PTK2: variants seen among roughly 807,000 people sequenced by gnomAD.
PTK2 encodes focal adhesion kinase 1.
A neutral mutation model predicts 150.1 loss-of-function variants in PTK2; 45 were observed. The observed-to-expected ratio is 0.30, with a 90% CI of 0.24 to 0.38. The LOEUF (loss-of-function observed/expected upper bound fraction) is 0.38, where lower values mean the gene tolerates loss of function less well. PTK2 is among the 10% of genes least tolerant of loss of function. The pLI is 1.00. For missense variants in PTK2, 919 were observed against 1,307.3 expected (o/e 0.70, Z 4.58); for synonymous variants, 432 against 449.2 (o/e 0.96, Z 0.48).
chr8:140,881,713 A>G (rs2100149192), intron 3 of PTK2, among the ~76,000 whole-genome samples: 1 of 152,226 alleles, frequency 6.6e-6, no homozygotes, highest in East Asian at 1.9e-4. Flanking sequence ...GAAAAAGCCC[A>G]GCTTCTCCAG....
At chr8:140,665,094 AG>A in intron 30 of PTK2, 97 bp from the exon 35 acceptor site, 1 of 1,141,962 alleles carries the variant, frequency 8.8e-7, no homozygotes, top group Middle Eastern at 2.0e-4. Flanking sequence ...ACAAGTTTCA[AG>A]GCAAATTTCT....
intron 1 of PTK2, among the ~76,000 whole-genome samples, chr8:140,932,704 T>C (rs1488627483): frequency 6.6e-6 from 1 of 152,218 alleles, no homozygotes; most frequent in Non-Finnish European, 1.5e-5. Context: ...GCATCTTCTA[T>C]GATACAGCAG....
chr8:140,922,795 T>C (rs7812844), intron 2 of PTK2, among the ~76,000 whole-genome samples: 147,159 of 152,228 alleles, frequency 0.97, 71,308 homozygotes, highest in East Asian at 1. Flanking sequence ...TAGGAAGAGG[T>C]ACAGGAGTTA....
chr8:140,809,927 A>G (rs920719984), intron 10 of PTK2, among the ~76,000 whole-genome samples: 1 of 152,242 alleles, frequency 6.6e-6, no homozygotes, highest in Non-Finnish European at 1.5e-5. Context: ...TCCAATTTGA[A>G]TTAAAATATT....
intron 16 of PTK2, among the ~76,000 whole-genome samples, chr8:140,759,800 G>A (rs987434312): frequency 1.3e-5 from 2 of 151,862 alleles, no homozygotes; most frequent in Non-Finnish European, 1.5e-5. Flanking sequence ...CCATGATTGC[G>A]TCACTGCACT....
chr8:140,884,193 T>TTA (rs1308100175), intron 3 of PTK2, among the ~76,000 whole-genome samples: 1 of 152,154 alleles, frequency 6.6e-6, no homozygotes, highest in Non-Finnish European at 1.5e-5. Context: ...GTAGGCATCT[T>TTA]TAGGAGCCAA....
chr8:140,841,906 C>G (rs1372476734), intron 7 of PTK2, among the ~76,000 whole-genome samples: 1 of 151,480 alleles, frequency 6.6e-6, no homozygotes, highest in African/African-American at 2.4e-5. Flanking sequence ...TGGCACCATG[C>G]CTTACATTGT....
intron 10 of PTK2, 141 bp from the exon 11 acceptor site, chr8:140,803,791 A>G: frequency 1.4e-6 from 1 of 728,742 alleles, no homozygotes; most frequent in Non-Finnish European, 2.3e-6. Context: ...CAGATTCTCC[A>G]TGCTGCCCCA....
chr8:140,674,452 T>C (rs2100012408), intron 28 of PTK2, 48 bp from the exon 32 acceptor site: 1 of 1,512,094 alleles, frequency 6.6e-7, no homozygotes, highest in Non-Finnish European at 9.0e-7. Flanking sequence ...TTAAGAAAGA[T>C]TAAGAGGCTG....
At chr8:140,908,439 GC>G (rs1240905775) in intron 2 of PTK2, among the ~76,000 whole-genome samples, 3 of 152,214 alleles carry the variant, frequency 2.0e-5, no homozygotes, top group Non-Finnish European at 4.4e-5. Context: ...GATTAATGTG[GC>G]TACACTAAAT....
At chr8:140,886,429 T>A (rs146576218) in intron 3 of PTK2, among the ~76,000 whole-genome samples, 1 of 152,146 alleles carries the variant, frequency 6.6e-6, no homozygotes, top group African/African-American at 2.4e-5. Context: ...AAATCTAGAA[T>A]GTAACCAATC....
chr8:140,870,747 T>C (rs2100142024), intron 4 of PTK2, among the ~76,000 whole-genome samples: 1 of 152,228 alleles, frequency 6.6e-6, no homozygotes, highest in African/African-American at 2.4e-5. Flanking sequence ...ATTCAAATAA[T>C]TTATCTTTAA....
intron 27 of PTK2, among the ~76,000 whole-genome samples, chr8:140,683,315 C>A (rs538166130): frequency 6.6e-6 from 1 of 152,244 alleles, no homozygotes; most frequent in African/African-American, 2.4e-5. Flanking sequence ...GAAAGCGAAT[C>A]CCTGAACAGA....
intron 22 of PTK2, among the ~76,000 whole-genome samples, chr8:140,724,002 T>A (rs557030921): frequency 6.6e-6 from 1 of 152,308 alleles, no homozygotes; most frequent in Non-Finnish European, 1.5e-5. Flanking sequence ...AGCAAGAAAG[T>A]AGTCCTTCAT....
chr8:140,698,134 T>C (rs1279122228), intron 26 of PTK2, among the ~76,000 whole-genome samples: 2 of 152,080 alleles, frequency 1.3e-5, no homozygotes, highest in Non-Finnish European at 2.9e-5. Context: ...CTCCCCCAAG[T>C]CCCCCTAGTG....
chr8:140,927,965 A>T (rs1339536717), intron 1 of PTK2, among the ~76,000 whole-genome samples: 206 of 82,446 alleles, frequency 2.5e-3, no homozygotes, highest in African/African-American at 0.01. Flanking sequence ...AAAGAAAAAA[A>T]AAAAAAAAAA....
chr8:140,809,290 T>C (rs115969440), intron 10 of PTK2, among the ~76,000 whole-genome samples: 76 of 152,254 alleles, frequency 5.0e-4, no homozygotes, highest in African/African-American at 1.6e-3. Context: ...ATCACTAAAC[T>C]TGTCCTTCAA....
At chr8:140,746,940 G>C in intron 17 of PTK2, 80 bp from the exon 21 acceptor site, 1 of 931,704 alleles carries the variant, frequency 1.1e-6, no homozygotes, top group East Asian at 2.7e-5. Context: ...CACCAGGCTG[G>C]AGTGCAGTGG....
chr8:140,845,892 C>T (rs1217697330), intron 7 of PTK2, among the ~76,000 whole-genome samples: 1 of 152,144 alleles, frequency 6.6e-6, no homozygotes, highest in African/African-American at 2.4e-5. Flanking sequence ...TGAGCAGTAA[C>T]TTCCGTATCT....
Sources: allele counts gnomAD v4.1 joint callset (sites outside exome capture counted in the v4.1 genomes callset), GRCh38; gene constraint gnomAD v4.1.1; transcripts MANE v1.5; gene names NCBI Gene and HGNC (gene_info 2026-07-23, HGNC 2026-07-21).